OCA2: variants seen among roughly 807,000 people sequenced by gnomAD.
The protein encoded by OCA2 is OCA2 melanosomal transmembrane protein.
In OCA2, 77 loss-of-function variants were observed where a neutral mutation model predicts 100.2. The observed-to-expected ratio is 0.77, with a 90% confidence interval of 0.64 to 0.93. OCA2 has a LOEUF of 0.93. OCA2 is among the 40% of genes least tolerant of loss of function. The pLI, the probability that OCA2 is intolerant of heterozygous loss-of-function variation, is 0.00. For synonymous variants in OCA2, 432 were observed against 439.2 expected, an observed-to-expected ratio of 0.98 and a Z score of 0.21; for missense variants, 1,062 against 1,089.1, an observed-to-expected ratio of 0.98 and a Z score of 0.35.
rs531877757 is a variant in OCA2, at chr15:27,771,308, G to C, written c.2433-15836C>G. ...GGTCACAGCGCTACTGCCACTCCACGGCCCCAGCTCGGAGAAAGGGCGGCG... is the reference window on the plus strand; with the variant it reads ...GGTCACAGCGCTACTGCCACTCCACCGCCCCAGCTCGGAGAAAGGGCGGCG... On this transcript the variant is annotated intron_variant, in intron 23 of 23. Transcript: ENST00000354638. Among the ~76,000 whole-genome samples, 49 of 151,894 alleles carry C rather than the reference G, an allele frequency of 3.2e-4. 1 individual carries two copies. Among genetic ancestry groups the C allele is most frequent in the African/African-American group, 1.2e-3 (48 of 41,404 alleles).
chr15:27,984,923 C>A (rs2041296516), intron 13 of OCA2, 141 bp downstream of exon 13: 2 of 951,012 alleles, frequency 2.1e-6, no homozygotes, highest in Non-Finnish European at 3.3e-6. Context: ...ACGAGCTGGA[C>A]TGGAATGCAG....
At chr15:27,945,289 A>G (rs981024383) in intron 18 of OCA2, among the ~76,000 whole-genome samples, 1 of 152,120 alleles carries the variant, frequency 6.6e-6, no homozygotes, top group African/African-American at 2.4e-5. Context: ...GATGAAAGAA[A>G]CCAACAAGGC....
intron 23 of OCA2, among the ~76,000 whole-genome samples, chr15:27,783,671 A>G (rs137934880): frequency 2.5e-4 from 38 of 152,360 alleles, no homozygotes; most frequent in African/African-American, 8.9e-4. Flanking sequence ...CTAGCAAGAG[A>G]AGAGAACAAT....
At chr15:27,967,245 T>C (rs1282433485) in intron 14 of OCA2, among the ~76,000 whole-genome samples, 1 of 152,068 alleles carries the variant, frequency 6.6e-6, no homozygotes, top group African/African-American at 2.4e-5. Context: ...TCACCAGGAG[T>C]TCCAGGACCT....
chr15:27,939,779 T>A (rs2703949), intron 18 of OCA2, among the ~76,000 whole-genome samples: 28,181 of 152,070 alleles, frequency 0.19, 2,960 homozygotes, highest in South Asian at 0.37. Flanking sequence ...AAAAACACAC[T>A]CAAAAATAAC....
At chr15:28,080,627 A>G (rs1362297082) in intron 2 of OCA2, among the ~76,000 whole-genome samples, 2 of 152,222 alleles carry the variant, frequency 1.3e-5, no homozygotes, top group Non-Finnish European at 2.9e-5. Flanking sequence ...CAGCAGCAGC[A>G]TGCACCACAC....
At chr15:27,722,772 T>TC in the OCA2 span, among the ~76,000 whole-genome samples, 3 of 79,932 alleles carry the variant, frequency 3.8e-5, no homozygotes, top group Non-Finnish European at 7.0e-5. Flanking sequence ...TTTCTTTCTT[T>TC]TCTTTCTTTC....
intron 23 of OCA2, among the ~76,000 whole-genome samples, chr15:27,806,553 G>A (rs1261147912): frequency 1.3e-5 from 2 of 152,118 alleles, no homozygotes; most frequent in African/African-American, 4.8e-5. Flanking sequence ...GCGACAGGAG[G>A]AGGGCCCTTC....
intron 7 of OCA2, among the ~76,000 whole-genome samples, chr15:28,017,121 G>A (rs1040822111): frequency 2.6e-5 from 4 of 152,000 alleles, no homozygotes; most frequent in African/African-American, 9.7e-5. Context: ...AAATCACAAA[G>A]GACACTGAAA....
intron 7 of OCA2, among the ~76,000 whole-genome samples, chr15:28,017,791 C>T (rs1282650821): frequency 1.3e-5 from 2 of 151,924 alleles, no homozygotes; most frequent in Non-Finnish European, 2.9e-5. Flanking sequence ...CAGAAGTCAC[C>T]GTGATAATCC....
chr15:28,048,734 G>A (rs576490393), intron 2 of OCA2, among the ~76,000 whole-genome samples: 86 of 152,210 alleles, frequency 5.7e-4, no homozygotes, highest in African/African-American at 1.9e-3. Context: ...GGCCGGGCAC[G>A]GTGGCTCATG....
intron 4 of OCA2, 70 bp downstream of exon 4, chr15:28,027,801 T>G (rs2042797748): frequency 6.7e-7 from 1 of 1,493,748 alleles, no homozygotes; most frequent in South Asian, 1.1e-5. Flanking sequence ...GTTTGAAAGA[T>G]GGAGGGGCCA....
At chr15:27,758,030 C>A (rs1254618845) in intron 23 of OCA2, among the ~76,000 whole-genome samples, 2 of 152,178 alleles carry the variant, frequency 1.3e-5, no homozygotes, top group Non-Finnish European at 2.9e-5. Context: ...GCGTTTCTTC[C>A]AATTCCTCCC....
At chr15:27,890,497 T>C (rs1450622087) in intron 19 of OCA2, among the ~76,000 whole-genome samples, 3 of 152,052 alleles carry the variant, frequency 2.0e-5, no homozygotes, top group Non-Finnish European at 2.9e-5. Flanking sequence ...AAAACACAAA[T>C]TCAAATGGCA....
intron 21 of OCA2, among the ~76,000 whole-genome samples, chr15:27,861,924 C>G (rs934302248): frequency 6.6e-6 from 1 of 152,134 alleles, no homozygotes; most frequent in African/African-American, 2.4e-5. Context: ...GGTGAAGGCA[C>G]CGGTCTTCGT....
Position 27,889,640 on chromosome 15 carries a change from C to T in OCA2, c.2080-17718G>A, listed in dbSNP as rs192560136. The stretch of plus-strand genomic sequence containing the variant: ...GGGCATTTGTTCAACATCAAAGCCT[C>T]ACTGCCCTTCATTGACATAATTTGA... On this transcript the variant is annotated intron_variant, in intron 19 of 23. Transcript: ENST00000354638. 2.6e-5 allele frequency among the ~76,000 whole-genome samples: 4 copies of T among 152,310 alleles called. 1 individual carries two copies. The highest frequency in any genetic ancestry group is 4.4e-5 in the Non-Finnish European group (3 of 68,030).
At chr15:28,014,043 C>T (rs2042313915) in intron 9 of OCA2, among the ~76,000 whole-genome samples, 1 of 152,116 alleles carries the variant, frequency 6.6e-6, no homozygotes. Flanking sequence ...CCTGCCATCT[C>T]CTCAACATCC....
At chr15:27,987,694 A>G (rs1282446669) in intron 11 of OCA2, among the ~76,000 whole-genome samples, 1 of 151,888 alleles carries the variant, frequency 6.6e-6, no homozygotes, top group Non-Finnish European at 1.5e-5. Context: ...ACGCCACTGC[A>G]CTCCAGCCTG....
intron 19 of OCA2, among the ~76,000 whole-genome samples, chr15:27,919,232 T>G (rs1425851031): frequency 6.6e-6 from 1 of 152,162 alleles, no homozygotes; most frequent in African/African-American, 2.4e-5. Flanking sequence ...GGGAGTGCTC[T>G]AGGTGGTGCA....
Sources: gnomAD v4.1 joint callset for allele counts (sites outside exome capture counted in the v4.1 genomes callset) on GRCh38, gnomAD v4.1.1 for gene constraint, MANE v1.5 for transcripts, NCBI Gene and HGNC (gene_info 2026-07-23, HGNC 2026-07-21) for gene names.